Variants in RAG1 observed in about 807,000 individuals in gnomAD.
The protein encoded by RAG1 is V(D)J recombination-activating protein 1.
RAG1 carries 35 observed loss-of-function variants against 62.7 expected under a neutral mutation model. The ratio of observed to expected loss-of-function variants is 0.56; its 90% CI spans 0.43 to 0.74. RAG1 has a LOEUF of 0.74. Ranked by LOEUF, RAG1 falls within the 30% of genes least tolerant of loss-of-function variation. RAG1 has a pLI of 0.00. For missense variants in RAG1, 1,169 were observed against 1,278.6 expected, an observed-to-expected ratio of 0.91 and a Z score of 1.31; for synonymous variants, 461 against 470.3, an observed-to-expected ratio of 0.98 and a Z score of 0.26.
chr11:36,516,822 A>G (rs1299313477), intron 1 of RAG1, among the ~76,000 whole-genome samples: 1 of 152,194 alleles, frequency 6.6e-6, no homozygotes, highest in African/African-American at 2.4e-5. Flanking sequence ...ATAAATATTT[A>G]TCTATGTTGG....
chr11:36,515,115 TGGGGAGA>T (rs1859978690), intron 1 of RAG1, among the ~76,000 whole-genome samples: 1 of 152,156 alleles, frequency 6.6e-6, no homozygotes, highest in Non-Finnish European at 1.5e-5. Context: ...TGACACAACC[TGGGGAGA>T]CTGTGTGTTC....
chr11:36,573,913 G>C lies in RAG1; in HGVS notation c.609G>C (p.Glu203Asp). ...EVYFPRNVTMEWHPHTPSCDI... is the reference protein window; with the variant it reads ...EVYFPRNVTMDWHPHTPSCDI... ...ACTTCCCGAGGAACGTGACCATGGA[G>C]TGGCACCCCCACACACCATCCTGTG... The change falls in exon 2 of 2, where the codon GAG (glutamate) becomes GAC (aspartate). Residue 203 changes from glutamate (E) to aspartate (D), a missense_variant. By Grantham distance (45) the Glu-to-Asp change is conservative (BLOSUM62 2). This residue lies in a region of RAG1 where 369 missense variants were observed against 335.3 expected (regional missense o/e 1.10). Coordinates refer to ENST00000299440, the MANE Select transcript of RAG1 (RefSeq NM_000448.3). 6.2e-7 allele frequency: 1 copy of C among 1,614,130 alleles called. No homozygotes were observed. Among genetic ancestry groups the C allele is most frequent in the Non-Finnish European group, 8.5e-7 (1 of 1,180,020 alleles).
At chr11:36,512,429 C>T (rs183316955) in intron 1 of RAG1, among the ~76,000 whole-genome samples, 258 of 152,324 alleles carry the variant, frequency 1.7e-3, no homozygotes, top group Middle Eastern at 3.4e-3. Flanking sequence ...TTGGGATTGT[C>T]TTTTCTGCTG....
chr11:36,525,882 C>G (rs1357218846), intron 2 of RAG1, among the ~76,000 whole-genome samples: 1 of 152,010 alleles, frequency 6.6e-6, no homozygotes, highest in Non-Finnish European at 1.5e-5. Flanking sequence ...GTTTTGTATG[C>G]TTTTCATTTC....
At chr11:36,512,451 C>T (rs1859939661) in intron 1 of RAG1, among the ~76,000 whole-genome samples, 1 of 152,182 alleles carries the variant, frequency 6.6e-6, no homozygotes, top group Non-Finnish European at 1.5e-5. Context: ...ATAGCTAAGC[C>T]TACTTTATGC....
intron 3 of RAG1, among the ~76,000 whole-genome samples, chr11:36,548,670 T>C (rs781469808): frequency 6.6e-6 from 1 of 152,224 alleles, no homozygotes; most frequent in Non-Finnish European, 1.5e-5. Context: ...ATAGGAAGAA[T>C]CAATATTGTG....
At chr11:36,544,952 G>C (rs1301631803) in intron 3 of RAG1, among the ~76,000 whole-genome samples, 1 of 152,218 alleles carries the variant, frequency 6.6e-6, no homozygotes, top group Non-Finnish European at 1.5e-5. Context: ...GTGGAACTGT[G>C]AGTCAATTAA....
At chr11:36,560,870 C>T (rs1850574171) in intron 3 of RAG1, among the ~76,000 whole-genome samples, 1 of 152,198 alleles carries the variant, frequency 6.6e-6, no homozygotes, top group Non-Finnish European at 1.5e-5. Context: ...CTTGAATCTC[C>T]ATGATTCAGA....
chr11:36,528,727 A>G (rs1381077456), intron 2 of RAG1, among the ~76,000 whole-genome samples: 2 of 152,098 alleles, frequency 1.3e-5, no homozygotes, highest in African/African-American at 2.4e-5. Context: ...TTTTGAAAAG[A>G]TCAACAAAAT....
chr11:36,531,144 C>G (rs749244371), intron 2 of RAG1, among the ~76,000 whole-genome samples: 6 of 151,820 alleles, frequency 4.0e-5, no homozygotes, highest in Non-Finnish European at 7.4e-5. Flanking sequence ...ATTAATATAG[C>G]TACTTACTCT....
At chr11:36,526,094 T>C (rs1860157934) in intron 2 of RAG1, among the ~76,000 whole-genome samples, 1 of 152,224 alleles carries the variant, frequency 6.6e-6, no homozygotes, top group Non-Finnish European at 1.5e-5. Context: ...AAGTATTTTG[T>C]TAAGAATTTT....
chr11:36,559,351 C>G (rs1439589291), intron 3 of RAG1, among the ~76,000 whole-genome samples: 1 of 152,112 alleles, frequency 6.6e-6, no homozygotes, highest in African/African-American at 2.4e-5. Context: ...CAGAGAGAAT[C>G]TTTTGAAGTT....
intron 2 of RAG1, among the ~76,000 whole-genome samples, chr11:36,534,296 A>G (rs1860295446): frequency 1.3e-5 from 2 of 152,234 alleles, no homozygotes; most frequent in South Asian, 4.1e-4. Flanking sequence ...TGCTTTCATG[A>G]AAAGTACGCT....
rs779477118 is a variant in RAG1, at chr11:36,573,985, G to C, written c.681G>C (p.Gln227His). ...GGGGACTCAAGAGGAAGAGTCTTCA[G>C]CCAAACTTGCAGCTCAGCAAAAAAC... ...ARRGLKRKSL[Q>H]PNLQLSKKLK... is the part of the protein sequence containing the mutation. Residue 227 changes from glutamine to histidine, a missense_variant, in exon 2 of 2, where the codon CAG (glutamine) becomes CAC (histidine). Transcript: ENST00000299440. The C allele has an allele frequency of 6.2e-7, 1 of 1,614,146 alleles. No individual in the cohort carries two copies. Among genetic ancestry groups the C allele is most frequent in the Admixed American group, 1.7e-5 (1 of 60,028 alleles).
intron 2 of RAG1, among the ~76,000 whole-genome samples, chr11:36,528,732 C>T (rs946942218): frequency 6.6e-6 from 1 of 151,390 alleles, no homozygotes; most frequent in Non-Finnish European, 1.5e-5. Flanking sequence ...AAAAGATCAA[C>T]AAAATAGACC....
Position 36,575,425 on chromosome 11 carries a change from C to T in RAG1, c.2121C>T (p.Gly707=), listed in dbSNP as rs1302976344. The T allele has an allele frequency of 6.2e-7, 1 of 1,614,104 alleles. No individual in the cohort carries two copies. The highest frequency in any genetic ancestry group is 1.1e-5 in the South Asian group (1 of 91,082). Residue 707 remains glycine, a synonymous_variant, in exon 2 of 2, where the codon GGC becomes GGT. Coordinates refer to ENST00000299440, the MANE Select transcript of RAG1 (RefSeq NM_000448.3). This position sits in a 1 kb window ranked among gnomAD's most constrained non-coding sequence, Gnocchi z 4.1. ...ILRTFKFIFR[G]TGYDEKLVRE... is the part of the protein sequence containing the mutation. ...GGACTTTCAAGTTCATCTTCAGGGG[C>T]ACCGGCTATGATGAAAAACTTGTGC...
chr11:36,576,752 C>A lies in RAG1; in HGVS notation c.*316C>A. 1 of 338,334 alleles carries A rather than the reference C, an allele frequency of 3.0e-6. No individual in the cohort carries two copies. The highest frequency in any genetic ancestry group is 5.7e-6 in the Non-Finnish European group (1 of 174,152). 21.0% of individuals were successfully genotyped at this position (338,334 alleles called of 1,614,324 possible). On this transcript the variant is annotated 3_prime_UTR_variant, in exon 2 of 2. Coordinates refer to ENST00000299440, the MANE Select transcript of RAG1 (RefSeq NM_000448.3). ...TGTGTTGGGGAGCTGTCATGTAAAT[C>A]AAAGCCAAGGTTGTCAAAGAACAGC...
chr11:36,518,416 A>G (rs2133692814), intron 1 of RAG1, among the ~76,000 whole-genome samples: 1 of 152,334 alleles, frequency 6.6e-6, no homozygotes, highest in African/African-American at 2.4e-5. Context: ...GAATCGCCAC[A>G]CTGACTTCCA....
intron 3 of RAG1, among the ~76,000 whole-genome samples, chr11:36,543,798 T>C (rs12273340): frequency 0.027 from 4,146 of 152,342 alleles, 187 homozygotes; most frequent in African/African-American, 0.093. Context: ...GTGTAATGAG[T>C]GTCAACAGAC....
Sources: gnomAD v4.1 joint callset for allele counts (sites outside exome capture counted in the v4.1 genomes callset) on GRCh38, gnomAD v4.1.1 for gene constraint, gnomAD v4.1.1 regional missense constraint, Gnocchi (gnomAD v3.1) non-coding constraint, MANE v1.5 for transcripts, NCBI Gene and HGNC (gene_info 2026-07-23, HGNC 2026-07-21) for gene names.